Variants in MORC3 observed in about 807,000 individuals in gnomAD.
MORC3 encodes MORC family CW-type zinc finger protein 3.
Under a neutral mutation model 109.1 loss-of-function variants are expected in MORC3, and 31 were observed. The observed-to-expected ratio is 0.28, with a 90% CI of 0.21 to 0.38. The LOEUF (loss-of-function observed/expected upper bound fraction) is 0.38, where lower values mean the gene tolerates loss of function less well. Among genes scored for constraint, MORC3 ranks in the 10% least tolerant of loss-of-function variants. The pLI, the probability that MORC3 is intolerant of heterozygous loss-of-function variation, is 1.00. For synonymous variants in MORC3, 395 were observed against 380.7 expected (o/e 1.04, Z -0.44); for missense variants, 867 against 1,135.8 (o/e 0.76, Z 3.40).
At chr21:36,344,788 G>T in intron 7 of MORC3, 81 bp downstream of exon 7, 1 of 1,588,304 alleles carries the variant, frequency 6.3e-7, no homozygotes, top group Non-Finnish European at 8.6e-7. Context: ...ATGCTGATAG[G>T]GATTCTAGTC....
intron 9 of MORC3, among the ~76,000 whole-genome samples, chr21:36,350,407 A>G (rs1435931477): frequency 1.3e-5 from 2 of 152,074 alleles, no homozygotes; most frequent in African/African-American, 4.8e-5. Context: ...AGCCTGGGCA[A>G]CACAGTGGGA....
chr21:36,373,156 A>G (rs2085889112), intron 16 of MORC3, among the ~76,000 whole-genome samples: 1 of 152,050 alleles, frequency 6.6e-6, no homozygotes, highest in South Asian at 2.1e-4. Flanking sequence ...CCTGGCCAAC[A>G]TGGTGAAACC....
chr21:36,360,285 GTAA>G (rs1569105159), intron 12 of MORC3, 27 bp downstream of exon 12: 1 of 1,584,092 alleles, frequency 6.3e-7, no homozygotes, highest in South Asian at 1.1e-5. Flanking sequence ...TGTATAGTGG[GTAA>G]TAATGCCCAG....
intron 13 of MORC3, 51 bp downstream of exon 13, chr21:36,362,279 A>C: frequency 6.5e-7 from 1 of 1,545,704 alleles, no homozygotes; most frequent in Non-Finnish European, 8.7e-7. Context: ...ATGGGGGCTG[A>C]CACCCGTAAT....
At chr21:36,328,041 T>A (rs1042122612) in intron 1 of MORC3, among the ~76,000 whole-genome samples, 10 of 151,882 alleles carry the variant, frequency 6.6e-5, no homozygotes, top group African/African-American at 2.4e-4. Flanking sequence ...CAGGTCTAGC[T>A]AATTTTTGTA....
At chr21:36,341,687 C>A in intron 6 of MORC3, 141 bp downstream of exon 6, 1 of 1,180,182 alleles carries the variant, frequency 8.5e-7, no homozygotes, top group Non-Finnish European at 1.2e-6. Flanking sequence ...TTTCCCTGGC[C>A]CACTCAGCCT....
chr21:36,362,242 C>CTTTTT lies in MORC3; in HGVS notation c.1452+28_1452+32dup. 1.4e-6 allele frequency: 2 copies of CTTTTT among 1,440,780 alleles called. No homozygotes were observed. Among genetic ancestry groups the CTTTTT allele is most frequent in the South Asian group, 1.3e-5 (1 of 74,896 alleles). 89.2% of individuals were successfully genotyped at this position (1,440,780 alleles called of 1,614,324 possible). On this transcript the variant is annotated intron_variant, in intron 13 of 16. Coordinates refer to ENST00000400485, the MANE Select transcript of MORC3 (RefSeq NM_015358.3). ...ATGATCCCTCGGGTAATTAAGCCTT[C>CTTTTT]TTTTTTTTTTTTTTTTTTAAATAGA...
At chr21:36,342,217 C>G (rs1896682240) in intron 6 of MORC3, among the ~76,000 whole-genome samples, 1 of 152,034 alleles carries the variant, frequency 6.6e-6, no homozygotes, top group African/African-American at 2.4e-5. Context: ...GCACTCCAGC[C>G]TAGGTGACAG....
intron 5 of MORC3, chr21:36,339,179 G>A (rs1268248058): frequency 7.5e-6 from 2 of 268,450 alleles, no homozygotes; most frequent in Admixed American, 5.2e-5. Flanking sequence ...GAATGCGATG[G>A]CGCAATCTCA....
intron 14 of MORC3, 59 bp from the exon 15 acceptor site, chr21:36,368,929 G>A (rs1601541381): frequency 3.6e-6 from 5 of 1,396,128 alleles, no homozygotes; most frequent in East Asian, 5.0e-5. Context: ...ATTACTTCAA[G>A]GTCATCTATT....
Position 36,347,369 on chromosome 21 carries a change from C to T in MORC3, c.1006-1942C>T, listed in dbSNP as rs186459080. Among the ~76,000 whole-genome samples the T allele has an allele frequency of 2.6e-5, 4 of 152,160 alleles. No homozygotes were observed. In the East Asian group the frequency reaches 7.7e-4, roughly 29 times the overall value. On this transcript the variant is annotated intron_variant, in intron 8 of 16. Transcript: ENST00000400485. ...AGAATGTAAATTTTTTTCTTTTTAT[C>T]ACCTATGAATCTGACTTAACCAAGA...
chr21:36,369,792 A>C lies in MORC3; in HGVS notation c.2424A>C (p.Glu808Asp), dbSNP rs752514186. ...SQCSNNESKSEMDEMAVQLDD... is the reference protein window; with the variant it reads ...SQCSNNESKSDMDEMAVQLDD... The stretch of plus-strand genomic sequence containing the variant: ...GTTCCAATAATGAGAGTAAAAGTGA[A>C]ATGGATGAGATGGCTGTGCAGCTTG... Residue 808 changes from glutamate (E) to aspartate (D), a missense_variant, in exon 15 of 17, where the codon GAA becomes GAC. By Grantham distance (45) the Glu-to-Asp change is conservative. Coordinates refer to ENST00000400485, the MANE Select transcript of MORC3 (RefSeq NM_015358.3). 2.5e-6 allele frequency: 4 copies of C among 1,614,196 alleles called. No homozygotes were observed. The highest frequency in any genetic ancestry group is 2.5e-6 in the Non-Finnish European group (3 of 1,180,040).
intron 15 of MORC3, among the ~76,000 whole-genome samples, chr21:36,370,635 ATATATTTTTTTTTT>A (rs1479671370): frequency 0.032 from 1,321 of 41,738 alleles, 7 homozygotes; most frequent in South Asian, 0.11. Flanking sequence ...ATATATATAT[ATATATTTTTTTTTT>A]TTTTTTTTTT....
chr21:36,376,147 C>CT lies in MORC3; in HGVS notation c.*852dup, dbSNP rs1203005673. 2.0e-5 allele frequency: 3 copies of CT among 152,532 alleles called. No homozygotes were observed. Among genetic ancestry groups the CT allele is most frequent in the Admixed American group, 6.6e-5 (1 of 15,258 alleles). The allele number at this position is 152,532 out of a possible 1,614,324, so 9.4% of individuals were successfully genotyped here. A position where few individuals can be genotyped will look rare whatever the true frequency, so the allele number is the denominator to read the frequency against. Reference sequence around the variant, plus strand: ...GGAAGACAGTCTTTCTCAAACAATACTACATACCTTTTATTATATTACAAA... The same window carrying CT: ...GGAAGACAGTCTTTCTCAAACAATACTTACATACCTTTTATTATATTACAAA... On this transcript the variant is annotated 3_prime_UTR_variant, in exon 17 of 17. Coordinates refer to ENST00000400485, the MANE Select transcript of MORC3 (RefSeq NM_015358.3).
intron 16 of MORC3, 25 bp from the exon 17 acceptor site, chr21:36,375,118 A>G (rs766970964): frequency 6.3e-7 from 1 of 1,595,214 alleles, no homozygotes. Flanking sequence ...TGCTCATCTA[A>G]TAAGTTACAT....
chr21:36,333,792 T>G (rs1303192955), intron 2 of MORC3, 74 bp downstream of exon 2: 3 of 1,288,948 alleles, frequency 2.3e-6, no homozygotes, highest in Non-Finnish European at 3.3e-6. Flanking sequence ...TTGTTTTGTT[T>G]TTTTTTTTTA....
intron 8 of MORC3, among the ~76,000 whole-genome samples, chr21:36,345,903 G>A (rs1234628254): frequency 6.6e-6 from 1 of 152,058 alleles, no homozygotes; most frequent in Non-Finnish European, 1.5e-5. Flanking sequence ...GTGCAGTGGC[G>A]CAATTTTGGC....
intron 9 of MORC3, among the ~76,000 whole-genome samples, chr21:36,349,816 A>T (rs2146314958): frequency 6.6e-6 from 1 of 152,238 alleles, no homozygotes; most frequent in East Asian, 1.9e-4. Context: ...GGGTGTGTGG[A>T]TAGGTTGGAG....
Position 36,333,703 on chromosome 21 carries a change from G to T in MORC3, c.97G>T (p.Val33Phe). The T allele has an allele frequency of 1.2e-6, 2 of 1,610,222 alleles. No individual in the cohort carries two copies. ...TAGTCACACCTGGCCATTCAGTGCAGTTGCTGAATTAATAGGTATGTAGTT... is the reference window on the plus strand; with the variant it reads ...TAGTCACACCTGGCCATTCAGTGCATTTGCTGAATTAATAGGTATGTAGTT... The part of the protein sequence containing the change: ...STSHTWPFSA[V>F]AELIDNAYDP... Residue 33 changes from valine to phenylalanine, a missense_variant, in exon 2 of 17, where the codon GTT becomes TTT. By Grantham distance (50) the Val-to-Phe change is conservative. Transcript: ENST00000400485.
Sources: gnomAD v4.1 joint callset for allele counts (sites outside exome capture counted in the v4.1 genomes callset) on GRCh38, gnomAD v4.1.1 for gene constraint, MANE v1.5 for transcripts, NCBI Gene and HGNC (gene_info 2026-07-23, HGNC 2026-07-21) for gene names.